The following NTAN1 variants were observed in gnomAD, a reference collection of about 807,000 sequenced individuals.
The protein encoded by NTAN1 is protein N-terminal asparagine amidohydrolase.
Under a neutral mutation model 41.9 loss-of-function variants are expected in NTAN1, and 32 were observed. That is an observed-to-expected ratio of 0.76 (90% confidence interval 0.58 to 1.03). NTAN1 has a LOEUF of 1.03. Ranked by LOEUF, NTAN1 falls within the 50% of genes least tolerant of loss-of-function variation. NTAN1 has a pLI of 0.00. For missense variants in NTAN1, 377 were observed against 377.5 expected, an observed-to-expected ratio of 1.00 and a Z score of 0.01; for synonymous variants, 140 against 139.5, an observed-to-expected ratio of 1.00 and a Z score of -0.03.
At chr16:15,039,216 T>A (rs1011094261) in intron 8 of NTAN1, among the ~76,000 whole-genome samples, 1 of 152,214 alleles carries the variant, frequency 6.6e-6, no homozygotes, top group East Asian at 1.9e-4. Flanking sequence ...TTCACTTTGG[T>A]AACTGACACT....
chr16:15,047,210 T>G, intron 4 of NTAN1: 1 of 524,408 alleles, frequency 1.9e-6, no homozygotes, highest in South Asian at 2.9e-5. Context: ...AAGTTCAAAG[T>G]CAAGCCTTCC....
chr16:15,045,160 A>G (rs12934815), intron 4 of NTAN1: 45,480 of 148,496 alleles, frequency 0.31, 7,380 homozygotes, highest in Admixed American at 0.45. Flanking sequence ...TTAGCCGGGC[A>G]TGGTGGCACA....
intron 4 of NTAN1, chr16:15,047,196 C>T: frequency 1.9e-6 from 1 of 523,028 alleles, no homozygotes; most frequent in South Asian, 2.8e-5. Flanking sequence ...CCTGAGACGA[C>T]ATCAAGTTCA....
chr16:15,044,525 G>A (rs1034895166), intron 4 of NTAN1, 118 bp from the exon 5 acceptor site: 42 of 717,312 alleles, frequency 5.9e-5, no homozygotes, highest in Non-Finnish European at 1.0e-4. Flanking sequence ...AGAGCTGCAG[G>A]TCATCTTCGT....
intron 4 of NTAN1, among the ~76,000 whole-genome samples, chr16:15,046,697 CAAAAA>C (rs9331444): frequency 4.6e-5 from 2 of 43,620 alleles, no homozygotes; most frequent in Non-Finnish European, 7.9e-5. Flanking sequence ...CTGTCTCTAC[CAAAAA>C]AAAAAAAAAA....
chr16:15,047,653 C>T, intron 3 of NTAN1, 103 bp from the exon 4 acceptor site: 1 of 981,210 alleles, frequency 1.0e-6, no homozygotes. Context: ...CTTTGAATAT[C>T]CTGTAGGGGA....
Position 15,037,942 on chromosome 16 carries a change from A to ACAGATGTAGGATCCAGATCTGGATTCGTG in NTAN1, c.*60_*88dup. 2.2e-6 allele frequency: 2 copies of ACAGATGTAGGATCCAGATCTGGATTCGTG among 897,658 alleles called. No homozygotes were observed. The allele number at this position is 897,658 out of a possible 1,614,324, so 55.6% of individuals were successfully genotyped here. ...AGGAGGGAAGGAGGCCTAAGACCCA[A>ACAGATGTAGGATCCAGATCTGGATTCGTG]CAGATGTAGGATCCAGATCTGGATT... On this transcript the variant is annotated 3_prime_UTR_variant, in exon 10 of 10. Transcript: ENST00000287706.
At chr16:15,049,037 GCA>G (rs2044193674) in intron 1 of NTAN1, among the ~76,000 whole-genome samples, 1 of 145,090 alleles carries the variant, frequency 6.9e-6, no homozygotes, top group African/African-American at 2.6e-5. Flanking sequence ...GGGAGTACAG[GCA>G]CACACCGCCA....
At chr16:15,047,336 A>G in intron 4 of NTAN1, 106 bp downstream of exon 4, 2 of 764,526 alleles carry the variant, frequency 2.6e-6, no homozygotes, top group Non-Finnish European at 4.6e-6. Context: ...CGAGGCAGAC[A>G]CGGCAGTGGT....
intron 1 of NTAN1, among the ~76,000 whole-genome samples, chr16:15,049,379 T>C (rs1269600837): frequency 6.6e-6 from 1 of 152,148 alleles, no homozygotes; most frequent in Admixed American, 6.5e-5. Context: ...TCTGGAAATC[T>C]GTCCTAAGGA....
rs374028618 is a variant in NTAN1, at chr16:15,047,558, A to G, written c.251-8T>C. 5.5e-5 allele frequency: 88 copies of G among 1,600,034 alleles called. No individual in the cohort carries two copies. Among genetic ancestry groups the G allele is most frequent in the Non-Finnish European group, 7.1e-5 (83 of 1,167,294 alleles). The stretch of plus-strand genomic sequence containing the variant: ...AGCAGGTGGCCCCATTACCTGAAGA[A>G]CAAGGGTGAAAGGACTCAAGTTATT... On this transcript the variant is annotated splice_polypyrimidine_tract_variant and splice_region_variant and intron_variant, in intron 3 of 9. Coordinates refer to ENST00000287706, the MANE Select transcript of NTAN1 (RefSeq NM_173474.4).
intron 5 of NTAN1, among the ~76,000 whole-genome samples, chr16:15,042,723 T>TATTTA (rs2043873804): frequency 7.6e-6 from 1 of 132,402 alleles, no homozygotes; most frequent in South Asian, 2.2e-4. Flanking sequence ...ATGAACTATT[T>TATTTA]ATTTATTTAT....
At chr16:15,045,333 G>C (rs2044013031) in intron 4 of NTAN1, 1 of 152,066 alleles carries the variant, frequency 6.6e-6, no homozygotes, top group African/African-American at 2.4e-5. Context: ...TGGGCGTGGT[G>C]GTGGGCGTCT....
In NTAN1 at chr16:15,047,452, G is replaced by A; in HGVS notation, c.349C>T (p.Gln117Ter). The change falls in exon 4 of 10, where the codon CAA (glutamine) becomes TAA (stop). Residue 117 changes from glutamine (Q) to a stop codon, truncating the protein, a stop_gained. Coordinates refer to ENST00000287706, the MANE Select transcript of NTAN1 (RefSeq NM_173474.4). LOFTEE classifies it high-confidence loss of function. ...NSIKSFSDHA[Q>*]CGRLEVHLVG... is the part of the protein sequence containing the mutation. ...CAGCGTAGATCTCACCTTCCACATT[G>A]AGCGTGGTCAGAAAAGGATTTTATG... is the stretch of plus-strand genomic sequence containing the variant. 1 of 1,601,654 alleles carries A rather than the reference G, an allele frequency of 6.2e-7. No homozygotes were observed. The highest frequency in any genetic ancestry group is 1.1e-5 in the South Asian group (1 of 90,766).
intron 1 of NTAN1, among the ~76,000 whole-genome samples, chr16:15,049,684 C>T (rs1037376481): frequency 2.6e-5 from 4 of 152,134 alleles, no homozygotes. Context: ...CCTTGGCCTC[C>T]CAAGGTGCTG....
chr16:15,042,181 A>G (rs1405259629), intron 5 of NTAN1, among the ~76,000 whole-genome samples: 1 of 143,788 alleles, frequency 7.0e-6, no homozygotes, highest in Non-Finnish European at 1.5e-5. Context: ...AGACAATTTT[A>G]TATCTTTTTT....
At chr16:15,049,328 C>T (rs72774841) in intron 1 of NTAN1, among the ~76,000 whole-genome samples, 3,346 of 152,296 alleles carry the variant, frequency 0.022, 73 homozygotes, top group Middle Eastern at 0.058. Flanking sequence ...CATACCTGGC[C>T]TCCGCTTTTT....
chr16:15,047,735 G>GA, intron 3 of NTAN1, 120 bp downstream of exon 3: 3 of 982,808 alleles, frequency 3.1e-6, no homozygotes, highest in Non-Finnish European at 4.9e-6. Context: ...ATGCAGACCA[G>GA]AAAAAAGGTA....
intron 7 of NTAN1, among the ~76,000 whole-genome samples, chr16:15,040,646 T>A (rs755866017): frequency 6.6e-6 from 1 of 151,994 alleles, no homozygotes; most frequent in Non-Finnish European, 1.5e-5. Context: ...CTTTGGAGGA[T>A]TTCTGTTCTC....
Sources: gnomAD v4.1 joint callset for allele counts (sites outside exome capture counted in the v4.1 genomes callset) on GRCh38, gnomAD v4.1.1 for gene constraint, MANE v1.5 for transcripts, NCBI Gene and HGNC (gene_info 2026-07-23, HGNC 2026-07-21) for gene names.